SLC34A1: variants seen among roughly 807,000 people sequenced by gnomAD.
SLC34A1 encodes sodium-dependent phosphate transport protein 2A.
Under a neutral mutation model 51.4 loss-of-function variants are expected in SLC34A1, and 57 were observed. That is an observed-to-expected ratio of 1.11 (90% confidence interval 0.90 to 1.38). The LOEUF (loss-of-function observed/expected upper bound fraction) is 1.38, where lower values mean the gene tolerates loss of function less well. Among genes scored for constraint, SLC34A1 ranks in the 40% most tolerant of loss-of-function variants. The pLI is 0.00. For synonymous variants in SLC34A1, 368 were observed against 358.0 expected (o/e 1.03, Z -0.32); for missense variants, 796 against 835.6 (o/e 0.95, Z 0.58).
At position 177,388,239 on chromosome 5, in the gene SLC34A1, A is replaced by G. The variant is rs1762673995; in HGVS notation, c.841-38A>G. 3 of 1,613,952 alleles carry G rather than the reference A, an allele frequency of 1.9e-6. No individual in the cohort carries two copies. The African/African-American group carries it at 4.0e-5, about 22-fold the overall frequency. ...TGAGGGTGGGGGTAACAAGGGACCCAGCCTCCTTCACTCCCCCTGCCCACA... is the reference window on the plus strand; with the variant it reads ...TGAGGGTGGGGGTAACAAGGGACCCGGCCTCCTTCACTCCCCCTGCCCACA... On this transcript the variant is annotated intron_variant, in intron 7 of 12. Coordinates refer to ENST00000324417, the MANE Select transcript of SLC34A1 (RefSeq NM_003052.5). The surrounding 1 kb of genome is among the most constrained non-coding windows in gnomAD (Gnocchi z 4.3).
At chr5:177,397,319 G>A in intron 12 of SLC34A1, 1 of 538,498 alleles carries the variant, frequency 1.9e-6, no homozygotes, top group South Asian at 2.0e-5. Context: ...GCACCATAAG[G>A]AAGAGGAAGA....
Position 177,398,225 on chromosome 5 carries a change from C to G in SLC34A1, c.1859C>G (p.Pro620Arg), listed in dbSNP as rs779798207. ...LPPRVFLEEL[P>R]PATPSPRLAL... The stretch of plus-strand genomic sequence containing the variant: ...CCCAGGGTCTTCCTGGAGGAGCTAC[C>G]CCCTGCCACACCCTCCCCCCGTCTT... The change falls in exon 13 of 13, where the codon CCC becomes CGC. Residue 620 changes from proline (P) to arginine (R), a missense_variant. Coordinates refer to ENST00000324417, the MANE Select transcript of SLC34A1 (RefSeq NM_003052.5). The surrounding 1 kb of genome is among the most constrained non-coding windows in gnomAD (Gnocchi z 4.7). 1 of 1,602,370 alleles carries G rather than the reference C, an allele frequency of 6.2e-7. No individual in the cohort carries two copies. Among genetic ancestry groups the G allele is most frequent in the East Asian group, 2.2e-5 (1 of 44,872 alleles).
rs780638528 is a variant in SLC34A1 at position 177,385,761 on chromosome 5, G to T, written c.20G>T (p.Arg7Met). 48 of 1,612,944 alleles carry T rather than the reference G, an allele frequency of 3.0e-5. No individual in the cohort carries two copies. In the Middle Eastern group the frequency reaches 8.2e-4, roughly 28 times the overall value. Residue 7 changes from arginine (R) to methionine (M), a missense_variant, in exon 2 of 13, where the codon AGG becomes ATG. Arg to Met is a moderately conservative substitution (Grantham distance 91, BLOSUM62 -1). Transcript: ENST00000324417. ...CCCAGGATGTTGTCCTACGGAGAGA[G>T]GCTGGGGTCCCCTGCTGTCTCCCCA... MLSYGERLGSPAVSPLP... is the reference protein window; with the variant it reads MLSYGEMLGSPAVSPLP...
At chr5:177,387,629 G>A (rs1181775696) in intron 5 of SLC34A1, 133 bp from the exon 6 acceptor site, 11 of 786,024 alleles carry the variant, frequency 1.4e-5, no homozygotes, top group Admixed American at 3.8e-5. Context: ...TGACGCCAAC[G>A]TTAGGCAGAC....
chr5:177,397,697 G>T, intron 12 of SLC34A1, 86 bp from the exon 13 acceptor site: 1 of 1,554,104 alleles, frequency 6.4e-7, no homozygotes, highest in East Asian at 2.2e-5. Context: ...AGACCAGATC[G>T]GGGTTCCTAT....
At chr5:177,389,072 G>C (rs554708021) in intron 8 of SLC34A1, among the ~76,000 whole-genome samples, 4 of 152,230 alleles carry the variant, frequency 2.6e-5, no homozygotes, top group Non-Finnish European at 5.9e-5. Context: ...GCCACAGGCG[G>C]GAGTCCCTTG....
Position 177,394,111 on chromosome 5 carries a change from A to T in SLC34A1, c.1090A>T (p.Thr364Ser). The change falls in exon 10 of 13, where the codon ACC becomes TCC. Residue 364 changes from threonine (T) to serine (S), a missense_variant. Coordinates refer to ENST00000324417, the MANE Select transcript of SLC34A1 (RefSeq NM_003052.5). ...LLAGSLVLLC[T>S]CLILLVKMLN... Reference sequence around the variant, plus strand: ...GGCAGGATCCCTGGTGCTGCTGTGCACCTGCCTCATCCTCCTAGTCAAGAT... The same window carrying T: ...GGCAGGATCCCTGGTGCTGCTGTGCTCCTGCCTCATCCTCCTAGTCAAGAT... 6.2e-7 allele frequency: 1 copy of T among 1,613,688 alleles called. No homozygotes were observed. The highest frequency in any genetic ancestry group is 8.5e-7 in the Non-Finnish European group (1 of 1,180,010).
At chr5:177,393,880 G>A in intron 9 of SLC34A1, 117 bp downstream of exon 9, 1 of 1,474,042 alleles carries the variant, frequency 6.8e-7, no homozygotes, top group South Asian at 1.1e-5. Flanking sequence ...CTGTCAACTA[G>A]CCCAGCTCCT....
rs1293919211 is a variant in SLC34A1, at chr5:177,387,817, T to C, written c.588T>C (p.Ser196=). Reference sequence around the variant, plus strand: ...TCATGGGCTCCAACATCGGCACCTCTGTCACCAACACCATCGTGGCCCTGA... The same window carrying C: ...TCATGGGCTCCAACATCGGCACCTCCGTCACCAACACCATCGTGGCCCTGA... ...PIIMGSNIGT[S]VTNTIVALMQ... Residue 196 remains serine (S), a synonymous_variant, in exon 6 of 13, where the codon TCT becomes TCC. Transcript: ENST00000324417. The C allele has an allele frequency of 6.2e-7, 1 of 1,612,260 alleles. No individual in the cohort carries two copies. The highest frequency in any genetic ancestry group is 2.2e-5 in the East Asian group (1 of 44,724).
Position 177,388,521 on chromosome 5 carries a change from A to G in SLC34A1, c.936+149A>G, listed in dbSNP as rs1762685286. 1.4e-6 allele frequency: 1 copy of G among 724,916 alleles called. No homozygotes were observed. Among genetic ancestry groups the G allele is most frequent in the Non-Finnish European group, 2.5e-6 (1 of 406,826 alleles). 44.9% of individuals were successfully genotyped at this position (724,916 alleles called of 1,614,324 possible). Reference sequence around the variant, plus strand: ...CCCTTCTACTGTGCTTACAGTTAACATTGCTAATTCCTCCCAACTTCCCAC... The same window carrying G: ...CCCTTCTACTGTGCTTACAGTTAACGTTGCTAATTCCTCCCAACTTCCCAC... On this transcript the variant is annotated intron_variant, in intron 8 of 12. Transcript: ENST00000324417. The surrounding 1 kb of genome is among the most constrained non-coding windows in gnomAD (Gnocchi z 4.3).
At chr5:177,387,395 A>AAAAC (rs1007418297) in intron 5 of SLC34A1, among the ~76,000 whole-genome samples, 1 of 152,150 alleles carries the variant, frequency 6.6e-6, no homozygotes, top group African/African-American at 2.4e-5. Context: ...ACTCTGTCTC[A>AAAAC]AAACAAACAA....
At chr5:177,387,568 T>C (rs987389471) in intron 5 of SLC34A1, among the ~76,000 whole-genome samples, 194 bp from the exon 6 acceptor site, 2 of 152,190 alleles carry the variant, frequency 1.3e-5, no homozygotes, top group African/African-American at 4.8e-5. Flanking sequence ...TCTACTCGCA[T>C]GGATGAATGC....
In SLC34A1 at chr5:177,388,252, C is replaced by T; in HGVS notation, c.841-25C>T. 1.9e-6 allele frequency: 3 copies of T among 1,613,942 alleles called. No homozygotes were observed. The highest frequency in any genetic ancestry group is 2.5e-6 in the Non-Finnish European group (3 of 1,179,854). On this transcript the variant is annotated intron_variant, in intron 7 of 12. Transcript: ENST00000324417. The surrounding 1 kb of genome is among the most constrained non-coding windows in gnomAD (Gnocchi z 4.3). ...AACAAGGGACCCAGCCTCCTTCACT[C>T]CCCCTGCCCACATCTTGCCCACAGC...
intron 8 of SLC34A1, among the ~76,000 whole-genome samples, chr5:177,390,855 G>C (rs1487084707): frequency 6.6e-6 from 1 of 152,094 alleles, no homozygotes; most frequent in Non-Finnish European, 1.5e-5. Context: ...TGTCCCTATA[G>C]GCACTTAAAT....
At position 177,396,811 on chromosome 5, in the gene SLC34A1, G is replaced by A; in HGVS notation, c.1253G>A (p.Ser418Asn). 6.2e-7 allele frequency: 1 copy of A among 1,614,250 alleles called. No homozygotes were observed. Among genetic ancestry groups the A allele is most frequent in the Non-Finnish European group, 8.5e-7 (1 of 1,180,052 alleles). The change falls in exon 11 of 13, where the codon AGC becomes AAC. Residue 418 changes from serine (S) to asparagine (N), a missense_variant. Ser to Asn is a conservative substitution (Grantham distance 46). Transcript: ENST00000324417. The surrounding 1 kb of genome is among the most constrained non-coding windows in gnomAD (Gnocchi z 4.0). The stretch of plus-strand genomic sequence containing the variant: ...GCCAGCATGACCTTCGTGGTCCAGA[G>A]CAGTTCTGTGTTCACCTCGGCCATC... Reference protein sequence around the residue: ...VGASMTFVVQSSSVFTSAITP... With the variant: ...VGASMTFVVQNSSVFTSAITP...
intron 1 of SLC34A1, among the ~76,000 whole-genome samples, chr5:177,385,072 G>A (rs1430450133): frequency 6.6e-6 from 1 of 152,182 alleles, no homozygotes; most frequent in African/African-American, 2.4e-5. Flanking sequence ...CCTTGAGGGG[G>A]TGGATGGGGA....
chr5:177,393,997 G>A (rs373698740), intron 9 of SLC34A1, 31 bp from the exon 10 acceptor site: 7 of 1,613,618 alleles, frequency 4.3e-6, no homozygotes, highest in Non-Finnish European at 5.9e-6. Context: ...CCAGGTGTGG[G>A]GTCAGCTGTC....
At chr5:177,392,998 T>C (rs1423276160) in intron 8 of SLC34A1, among the ~76,000 whole-genome samples, 2 of 152,116 alleles carry the variant, frequency 1.3e-5, no homozygotes, top group Admixed American at 6.5e-5. Flanking sequence ...CTAGGCTGCG[T>C]CCCTGGATGG....
intron 10 of SLC34A1, among the ~76,000 whole-genome samples, chr5:177,395,410 A>G (rs1382629518): frequency 6.6e-6 from 1 of 152,080 alleles, no homozygotes; most frequent in Non-Finnish European, 1.5e-5. Context: ...GTATGTGCAA[A>G]GGCTCAGAGG....
Sources: allele counts gnomAD v4.1 joint callset (sites outside exome capture counted in the v4.1 genomes callset), GRCh38; gene constraint gnomAD v4.1.1; non-coding constraint Gnocchi (gnomAD v3.1); transcripts MANE v1.5; gene names NCBI Gene and HGNC (gene_info 2026-07-23, HGNC 2026-07-21).